Variants in PDGFC observed in about 807,000 individuals in gnomAD.
The protein encoded by PDGFC is platelet-derived growth factor C.
In PDGFC, 12 loss-of-function variants were observed where a neutral mutation model predicts 35.5. The observed-to-expected ratio is 0.34, with a 90% confidence interval of 0.22 to 0.55. The LOEUF is 0.55. PDGFC is among the 20% of genes least tolerant of loss of function. The probability of loss-of-function intolerance (pLI) is 0.91; values close to 1 mark genes in which losing one functional copy is unlikely to be tolerated. For missense variants in PDGFC, 322 were observed against 412.4 expected (o/e 0.78, Z 1.90); for synonymous variants, 159 against 148.8 (o/e 1.07, Z -0.50).
chr4:156,882,890 C>T (rs1730277057), intron 1 of PDGFC, among the ~76,000 whole-genome samples: 1 of 152,090 alleles, frequency 6.6e-6, no homozygotes, highest in African/African-American at 2.4e-5. Context: ...CGAGACCATC[C>T]TGGCTAACAA....
At chr4:156,961,609 C>A (rs1255780037) in intron 1 of PDGFC, among the ~76,000 whole-genome samples, 1 of 152,062 alleles carries the variant, frequency 6.6e-6, no homozygotes, top group Non-Finnish European at 1.5e-5. Context: ...ATACACGGGA[C>A]CCGAATGAAT....
chr4:156,845,584 T>G (rs753261508), intron 2 of PDGFC, among the ~76,000 whole-genome samples: 2 of 151,838 alleles, frequency 1.3e-5, no homozygotes, highest in Non-Finnish European at 3.0e-5. Context: ...TAAAAATAAT[T>G]ATTGTCTATA....
chr4:156,831,424 A>G (rs1370130851), intron 2 of PDGFC, among the ~76,000 whole-genome samples: 3 of 150,154 alleles, frequency 2.0e-5, no homozygotes, highest in South Asian at 4.2e-4. Flanking sequence ...CCTAGACAAC[A>G]TAATGAGACC....
chr4:156,774,109 AT>A (rs1399453208), intron 3 of PDGFC, among the ~76,000 whole-genome samples: 2 of 152,182 alleles, frequency 1.3e-5, no homozygotes, highest in Non-Finnish European at 2.9e-5. Context: ...ATTTGGACAA[AT>A]GCCTATGTGA....
chr4:156,895,172 A>G (rs1730601887), intron 1 of PDGFC, among the ~76,000 whole-genome samples: 1 of 152,210 alleles, frequency 6.6e-6, no homozygotes, highest in Non-Finnish European at 1.5e-5. Flanking sequence ...AATGGGAGCT[A>G]TACTATTAAT....
chr4:156,910,673 C>A (rs757780214), intron 1 of PDGFC, among the ~76,000 whole-genome samples: 2 of 152,112 alleles, frequency 1.3e-5, no homozygotes, highest in Non-Finnish European at 1.5e-5. Flanking sequence ...TATGGGAGAT[C>A]CATTTTCTCC....
intron 1 of PDGFC, among the ~76,000 whole-genome samples, chr4:156,941,542 T>C (rs550618635): frequency 9.2e-5 from 14 of 152,176 alleles, no homozygotes; most frequent in Non-Finnish European, 2.1e-4. Flanking sequence ...ATGCATCAGT[T>C]TTAAAATAAT....
chr4:156,955,782 GCT>G (rs1732195009), intron 1 of PDGFC, among the ~76,000 whole-genome samples: 1 of 151,910 alleles, frequency 6.6e-6, no homozygotes, highest in Non-Finnish European at 1.5e-5. Context: ...ATCTAAACAT[GCT>G]CTTAGTATGT....
intron 2 of PDGFC, chr4:156,835,938 C>T (rs1426076324): frequency 8.5e-5 from 13 of 152,314 alleles, no homozygotes; most frequent in African/African-American, 2.9e-4. Flanking sequence ...GAACAATCTT[C>T]TCTCCTCAGA....
At chr4:156,784,346 T>A (rs2110857792) in intron 3 of PDGFC, among the ~76,000 whole-genome samples, 1 of 152,072 alleles carries the variant, frequency 6.6e-6, no homozygotes, top group Non-Finnish European at 1.5e-5. Context: ...TGATTTTTCC[T>A]CCCAAGGAGA....
intron 1 of PDGFC, among the ~76,000 whole-genome samples, chr4:156,926,816 G>A (rs1731427282): frequency 1.3e-5 from 2 of 152,138 alleles, no homozygotes; most frequent in South Asian, 4.1e-4. Flanking sequence ...GCATTCCAGG[G>A]TCTGGAGGAC....
intron 1 of PDGFC, among the ~76,000 whole-genome samples, chr4:156,868,630 A>G (rs1274218294): frequency 1.3e-5 from 2 of 152,176 alleles, no homozygotes; most frequent in Non-Finnish European, 2.9e-5. Flanking sequence ...ACTGTTTTCT[A>G]TTTCAACTGT....
rs537862051 is a variant in PDGFC at position 156,903,085 on chromosome 4, A to AAGAG, written c.119-52673_119-52670dup. Among the ~76,000 whole-genome samples, 783 of 137,386 alleles carry AAGAG rather than the reference A, an allele frequency of 5.7e-3. 5 individuals carry two copies. Among genetic ancestry groups the AAGAG allele is most frequent in the African/African-American group, 0.015 (544 of 37,342 alleles). 90.1% of individuals were successfully genotyped at this position (137,386 alleles called of 152,430 possible). The stretch of plus-strand genomic sequence containing the variant: ...AAGAACATCAAAACCAATAAGGACA[A>AAGAG]AGAGAGAGAGAGAGAGAGAGTGTGT... On this transcript the variant is annotated intron_variant, in intron 1 of 5. Transcript: ENST00000502773.
intron 1 of PDGFC, among the ~76,000 whole-genome samples, chr4:156,863,213 A>C (rs918617155): frequency 3.9e-5 from 6 of 152,194 alleles, no homozygotes; most frequent in Non-Finnish European, 8.8e-5. Context: ...GTTATTAATT[A>C]TGTCAGACAA....
At chr4:156,873,202 A>T (rs1338867421) in intron 1 of PDGFC, among the ~76,000 whole-genome samples, 1 of 152,172 alleles carries the variant, frequency 6.6e-6, no homozygotes, top group Admixed American at 6.6e-5. Flanking sequence ...CAAAAGATAT[A>T]TTATTTATTA....
chr4:156,822,775 T>A (rs112869932), intron 2 of PDGFC, among the ~76,000 whole-genome samples: 10 of 148,256 alleles, frequency 6.7e-5, no homozygotes, highest in African/African-American at 2.6e-4. Context: ...TTATTTATTT[T>A]TTTGAGATGG....
intron 1 of PDGFC, among the ~76,000 whole-genome samples, chr4:156,917,178 A>T (rs1731172512): frequency 6.6e-6 from 1 of 152,212 alleles, no homozygotes; most frequent in Non-Finnish European, 1.5e-5. Context: ...GATGGCCTTC[A>T]AGATCGATTT....
intron 2 of PDGFC, among the ~76,000 whole-genome samples, chr4:156,815,798 C>T (rs1239108230): frequency 7.2e-5 from 11 of 152,076 alleles, no homozygotes. Flanking sequence ...CAATTGGCCA[C>T]GTCAGTATTT....
intron 3 of PDGFC, among the ~76,000 whole-genome samples, chr4:156,780,780 A>C (rs1158495986): frequency 6.6e-6 from 1 of 152,296 alleles, no homozygotes; most frequent in East Asian, 1.9e-4. Context: ...ATTCAGGGGA[A>C]GCCATTAGAA....
Sources: gnomAD v4.1 joint callset for allele counts (sites outside exome capture counted in the v4.1 genomes callset) on GRCh38, gnomAD v4.1.1 for gene constraint, MANE v1.5 for transcripts, NCBI Gene and HGNC (gene_info 2026-07-23, HGNC 2026-07-21) for gene names.